The following BTG3 variants were observed in gnomAD, a reference collection of about 807,000 sequenced individuals.
The protein encoded by BTG3 is protein BTG3.
In BTG3, 4 loss-of-function variants were observed where a neutral mutation model predicts 25.8. The ratio of observed to expected loss-of-function variants is 0.16; its 90% confidence interval spans 0.08 to 0.36. The LOEUF is 0.36. Ranked by LOEUF, BTG3 falls within the 10% of genes least tolerant of loss-of-function variation. BTG3 has a pLI of 1.00. For synonymous variants in BTG3, 107 were observed against 99.9 expected (o/e 1.07, Z -0.42); for missense variants, 201 against 304.9 (o/e 0.66, Z 2.54).
At chr21:17,595,205 GT>G (rs2061489319) in intron 4 of BTG3, among the ~76,000 whole-genome samples, 1 of 151,972 alleles carries the variant, frequency 6.6e-6, no homozygotes, top group South Asian at 2.1e-4. Flanking sequence ...TATTCAAAGT[GT>G]TCTTATCAGC....
intron 4 of BTG3, among the ~76,000 whole-genome samples, chr21:17,594,769 T>C (rs2061482748): frequency 6.6e-6 from 1 of 151,322 alleles, no homozygotes; most frequent in Non-Finnish European, 1.5e-5. Flanking sequence ...CCGCATGTTC[T>C]CACTTATAAG....
At chr21:17,602,183 T>C in intron 3 of BTG3, among the ~76,000 whole-genome samples, 1 of 152,030 alleles carries the variant, frequency 6.6e-6, no homozygotes, top group Non-Finnish European at 1.5e-5. Context: ...TTGTAAAATA[T>C]GTTGAGTAGA....
chr21:17,596,777 C>CT (rs1326976599), intron 4 of BTG3, among the ~76,000 whole-genome samples: 1 of 151,886 alleles, frequency 6.6e-6, no homozygotes, highest in Admixed American at 6.6e-5. Flanking sequence ...AGAAAAAAAC[C>CT]TTTTAAGATG....
At chr21:17,598,201 A>T (rs2061528219) in intron 4 of BTG3, among the ~76,000 whole-genome samples, 1 of 152,140 alleles carries the variant, frequency 6.6e-6, no homozygotes. Context: ...GTAAAATATT[A>T]ATTATAATAT....
intron 1 of BTG3, chr21:17,612,099 G>A (rs1007878880): frequency 4.6e-5 from 7 of 152,374 alleles, no homozygotes; most frequent in African/African-American, 7.2e-5. Context: ...TAGGTGAGGA[G>A]GGATCAAACA....
intron 3 of BTG3, among the ~76,000 whole-genome samples, chr21:17,599,692 C>G (rs1448457472): frequency 6.6e-6 from 1 of 152,100 alleles, no homozygotes; most frequent in Non-Finnish European, 1.5e-5. Context: ...GCTGGCCAGG[C>G]TGGTCTTGAA....
Position 17,605,008 on chromosome 21 carries a change from G to A in BTG3, c.174-11C>T. Reference sequence around the variant, plus strand: ...TTGACACGAATACATCTACAACAAAGTGGAGTTACGTTAATGGATTTAAAT... The same window carrying A: ...TTGACACGAATACATCTACAACAAAATGGAGTTACGTTAATGGATTTAAAT... On this transcript the variant is annotated splice_polypyrimidine_tract_variant and intron_variant, in intron 2 of 4. Transcript: ENST00000348354. 1 of 1,612,020 alleles carries A rather than the reference G, an allele frequency of 6.2e-7. No homozygotes were observed. The highest frequency in any genetic ancestry group is 1.3e-5 in the African/African-American group (1 of 74,954).
intron 1 of BTG3, among the ~76,000 whole-genome samples, chr21:17,611,103 G>A (rs771050191): frequency 6.6e-6 from 1 of 152,202 alleles, no homozygotes; most frequent in Non-Finnish European, 1.5e-5. Context: ...AGCCCACCAC[G>A]ACTGCTGTGC....
chr21:17,594,481 A>C, intron 4 of BTG3, 149 bp from the exon 5 acceptor site: 1 of 918,862 alleles, frequency 1.1e-6, no homozygotes, highest in Non-Finnish European at 1.6e-6. Context: ...TACATTAAAA[A>C]CCTCATGTGT....
intron 2 of BTG3, among the ~76,000 whole-genome samples, chr21:17,605,284 A>G (rs1301394676): frequency 6.6e-6 from 1 of 152,196 alleles, no homozygotes; most frequent in Non-Finnish European, 1.5e-5. Context: ...ATGAGCACGG[A>G]GTATGAAAGT....
chr21:17,599,822 G>T (rs1742952354), intron 3 of BTG3, among the ~76,000 whole-genome samples: 1 of 152,090 alleles, frequency 6.6e-6, no homozygotes, highest in African/African-American at 2.4e-5. Context: ...AGTAATTCAA[G>T]TCACAGATCA....
chr21:17,603,107 A>AACT (rs577366220), intron 3 of BTG3, among the ~76,000 whole-genome samples: 33 of 152,200 alleles, frequency 2.2e-4, no homozygotes, highest in Non-Finnish European at 4.7e-4. Flanking sequence ...CAACTAACTT[A>AACT]ACTGTGTGTT....
Position 17,594,349 on chromosome 21 carries a change from A to C in BTG3, c.520-17T>G. On this transcript the variant is annotated splice_polypyrimidine_tract_variant and intron_variant, in intron 4 of 4. Transcript: ENST00000348354. ...TTCTGAAATCTGTAGGGAAGAGAAC[A>C]CATTAAGTTAATTCAAAGGAAAAAA... The C allele has an allele frequency of 1.9e-6, 3 of 1,599,126 alleles. No homozygotes were observed. The highest frequency in any genetic ancestry group is 2.6e-6 in the Non-Finnish European group (3 of 1,174,046).
intron 1 of BTG3, chr21:17,611,594 C>G (rs926024948): frequency 1.6e-4 from 25 of 152,270 alleles, no homozygotes; most frequent in African/African-American, 6.0e-4. Flanking sequence ...GCAAGAACCA[C>G]CAGAGGCAAG....
intron 3 of BTG3, among the ~76,000 whole-genome samples, chr21:17,600,094 G>A (rs1028344352): frequency 1.3e-5 from 2 of 151,728 alleles, no homozygotes; most frequent in African/African-American, 2.4e-5. Context: ...GAAGATTTTT[G>A]ATTTTTTTTA....
chr21:17,597,338 C>G (rs962479215), intron 4 of BTG3, among the ~76,000 whole-genome samples: 15 of 151,770 alleles, frequency 9.9e-5, no homozygotes, highest in African/African-American at 3.6e-4. Context: ...TGGATGAATT[C>G]CAGAAAATTC....
chr21:17,611,690 C>T (rs2061727018), intron 1 of BTG3: 1 of 152,244 alleles, frequency 6.6e-6, no homozygotes. Context: ...TTAAATATCG[C>T]ACGGTGACGT....
At position 17,611,498 on chromosome 21, in the gene BTG3, G is replaced by A. The variant is rs141129322; in HGVS notation, c.-9+1201C>T. On this transcript the variant is annotated intron_variant, in intron 1 of 4. Coordinates refer to ENST00000348354, the MANE Select transcript of BTG3 (RefSeq NM_006806.5). The stretch of plus-strand genomic sequence containing the variant: ...TTTTGTTTTCCCCGTTTGAAGAAAT[G>A]ATAGCTCGAACAGCTGAAAAATAAG... Among the ~76,000 whole-genome samples, 260 of 152,274 alleles carry A rather than the reference G, an allele frequency of 1.7e-3. 3 individuals are homozygous for A. Among genetic ancestry groups the A allele is most frequent in the Non-Finnish European group, 2.2e-3 (153 of 68,032 alleles).
intron 3 of BTG3, 28 bp from the exon 4 acceptor site, chr21:17,598,852 T>C (rs1231312679): frequency 6.3e-7 from 1 of 1,585,096 alleles, no homozygotes; most frequent in Non-Finnish European, 8.6e-7. Context: ...AACTTACAAA[T>C]CTTGAAGTCA....
Sources: gnomAD v4.1 joint callset for allele counts (sites outside exome capture counted in the v4.1 genomes callset) on GRCh38, gnomAD v4.1.1 for gene constraint, MANE v1.5 for transcripts, NCBI Gene and HGNC (gene_info 2026-07-23, HGNC 2026-07-21) for gene names.